The following PPWD1 variants were observed in gnomAD, a reference collection of about 807,000 sequenced individuals.
PPWD1 encodes peptidylprolyl isomerase domain and WD repeat containing 1, also known as peptidylprolyl isomerase domain and WD repeat-containing protein 1.
PPWD1 carries 43 observed loss-of-function variants against 68.8 expected under a neutral mutation model. The observed-to-expected ratio is 0.62, with a 90% CI of 0.49 to 0.81. The LOEUF (loss-of-function observed/expected upper bound fraction) is 0.81. Among genes scored for constraint, PPWD1 ranks in the 30% least tolerant of loss-of-function variants. The probability of loss-of-function intolerance (pLI) is 0.00; values close to 1 mark genes in which losing one functional copy is unlikely to be tolerated. For synonymous variants in PPWD1, 232 were observed against 258.7 expected (o/e 0.90, Z 0.99); for missense variants, 672 against 804.8 (o/e 0.83, Z 2.00).
chr5:65,577,975 ATAT>A (rs1307064461), intron 6 of PPWD1, among the ~76,000 whole-genome samples: 7 of 152,342 alleles, frequency 4.6e-5, no homozygotes, highest in African/African-American at 1.7e-4. Context: ...ATCCACCATC[ATAT>A]TATCATATAG....
chr5:65,563,583 A>G, intron 1 of PPWD1, 77 bp downstream of exon 1: 2 of 1,494,010 alleles, frequency 1.3e-6, no homozygotes, highest in Non-Finnish European at 1.8e-6. Context: ...AGATCCGAAG[A>G]GGGATGATGT....
At chr5:65,579,753 A>C in intron 7 of PPWD1, 140 bp downstream of exon 7, 1 of 526,070 alleles carries the variant, frequency 1.9e-6, no homozygotes, top group Non-Finnish European at 3.1e-6. Flanking sequence ...TCTTACATTA[A>C]TATTGTAGAA....
At chr5:65,581,084 A>G (rs1381380610) in intron 7 of PPWD1, among the ~76,000 whole-genome samples, 1 of 152,182 alleles carries the variant, frequency 6.6e-6, no homozygotes, top group Non-Finnish European at 1.5e-5. Context: ...ATGTAATGCT[A>G]TTAAGGTTAA....
intron 7 of PPWD1, among the ~76,000 whole-genome samples, chr5:65,581,567 C>A (rs1249420257): frequency 3.3e-5 from 5 of 152,158 alleles, no homozygotes; most frequent in Non-Finnish European, 7.4e-5. Context: ...GCCTAGGTGA[C>A]AGAGCAAGAC....
chr5:65,571,357 G>A (rs1752997998), intron 4 of PPWD1, among the ~76,000 whole-genome samples: 1 of 152,144 alleles, frequency 6.6e-6, no homozygotes, highest in Admixed American at 6.5e-5. Context: ...GATTTAGTTA[G>A]TAATGAGAGT....
chr5:65,563,890 T>G (rs1040769615), intron 1 of PPWD1: 32 of 1,424,248 alleles, frequency 2.2e-5, no homozygotes, highest in Admixed American at 1.2e-4. Flanking sequence ...AGGAGTGGTG[T>G]TAATGTATTA....
In PPWD1 at chr5:65,572,238, C is replaced by G; in HGVS notation, c.921C>G (p.Phe307Leu). The G allele has an allele frequency of 6.2e-7, 1 of 1,612,122 alleles. No individual in the cohort carries two copies. The change falls in exon 5 of 11, where the codon TTC becomes TTG. Residue 307 changes from phenylalanine (F) to leucine (L), a missense_variant. Phe to Leu is a conservative substitution (Grantham distance 22). This residue lies in a region of PPWD1 where 484 missense variants were observed against 646.2 expected (regional missense o/e 0.75). Coordinates refer to ENST00000261308, the MANE Select transcript of PPWD1 (RefSeq NM_015342.4). ...TIGSDRKVRIFRFVTGKLMRV... is the reference protein window; with the variant it reads ...TIGSDRKVRILRFVTGKLMRV... Reference sequence around the variant, plus strand: ...GTTCTGATAGAAAAGTTAGAATTTTCAGATTTGTAACTGGAAAACTCATGA... The same window carrying G: ...GTTCTGATAGAAAAGTTAGAATTTTGAGATTTGTAACTGGAAAACTCATGA...
chr5:65,566,005 G>T (rs1195504658), intron 1 of PPWD1, among the ~76,000 whole-genome samples: 1 of 152,086 alleles, frequency 6.6e-6, no homozygotes, highest in African/African-American at 2.4e-5. Context: ...TATATTTTCA[G>T]AAAGACATGA....
At chr5:65,566,820 C>G (rs9686777) in intron 1 of PPWD1, among the ~76,000 whole-genome samples, 4 of 94,778 alleles carry the variant, frequency 4.2e-5, no homozygotes, top group African/African-American at 1.4e-4. Context: ...CCCTTTCTTT[C>G]TTTTTTTTTT....
intron 4 of PPWD1, chr5:65,570,335 A>G (rs1752958795): frequency 1.1e-6 from 1 of 881,904 alleles, no homozygotes; most frequent in African/African-American, 1.8e-5. Flanking sequence ...TCAGTAATAT[A>G]GAATTGAGTT....
intron 1 of PPWD1, 173 bp from the exon 2 acceptor site, chr5:65,567,340 T>C: frequency 2.9e-6 from 2 of 689,218 alleles, no homozygotes; most frequent in Non-Finnish European, 3.6e-6. Flanking sequence ...TCTGAAATAA[T>C]AGACGTTAAA....
chr5:65,571,001 A>C (rs1313786212), intron 4 of PPWD1, among the ~76,000 whole-genome samples: 3 of 152,146 alleles, frequency 2.0e-5, no homozygotes, highest in Non-Finnish European at 4.4e-5. Context: ...AATAAATCTC[A>C]TTATTTATGG....
intron 10 of PPWD1, among the ~76,000 whole-genome samples, chr5:65,586,616 G>A (rs544861184): frequency 6.6e-6 from 1 of 152,194 alleles, no homozygotes; most frequent in South Asian, 2.1e-4. Flanking sequence ...AGGTAACCTA[G>A]CTCTATTGCT....
intron 10 of PPWD1, among the ~76,000 whole-genome samples, chr5:65,586,762 C>T (rs764280312): frequency 5.3e-5 from 8 of 152,136 alleles, no homozygotes; most frequent in Non-Finnish European, 1.0e-4. Flanking sequence ...CTTCTACTAT[C>T]AGTATCCCCA....
chr5:65,576,373 ATTTT>A (rs1188571148), intron 5 of PPWD1: 277 of 847,350 alleles, frequency 3.3e-4, no homozygotes, highest in Middle Eastern at 5.9e-4. Flanking sequence ...TTGAAATACA[ATTTT>A]TTTTTTTTTT....
intron 2 of PPWD1, chr5:65,568,862 T>C (rs1752885029): frequency 2.2e-6 from 1 of 454,550 alleles, no homozygotes; most frequent in Non-Finnish European, 4.4e-6. Flanking sequence ...TATATACATA[T>C]TAGCATTGCT....
At position 65,587,506 on chromosome 5, in the gene PPWD1, C is replaced by G; in HGVS notation, c.*110C>G. The G allele has an allele frequency of 1.1e-6, 1 of 873,434 alleles. No homozygotes were observed. The highest frequency in any genetic ancestry group is 1.6e-6 in the Non-Finnish European group (1 of 632,834). The allele number at this position is 873,434 out of a possible 1,614,324, so 54.1% of individuals were successfully genotyped here. A position where few individuals can be genotyped will look rare whatever the true frequency, so the allele number is the denominator to read the frequency against. On this transcript the variant is annotated 3_prime_UTR_variant, in exon 11 of 11. Coordinates refer to ENST00000261308, the MANE Select transcript of PPWD1 (RefSeq NM_015342.4). ...ATATACAGATCATGTTTCAAAGATA[C>G]AGTATTTTTGTATTTTTTATTAAAG... is the stretch of plus-strand genomic sequence containing the variant.
chr5:65,567,721 T>G, intron 2 of PPWD1, 106 bp downstream of exon 2: 1 of 1,375,238 alleles, frequency 7.3e-7, no homozygotes, highest in Non-Finnish European at 9.5e-7. Flanking sequence ...TTTTGTAGAT[T>G]TTTAATTTCT....
chr5:65,582,780 A>G (rs181470869), intron 7 of PPWD1: 145 of 286,574 alleles, frequency 5.1e-4, no homozygotes, highest in Non-Finnish European at 7.4e-4. Flanking sequence ...TTTGCCCAAG[A>G]AAATTTCTAA....
Sources: gnomAD v4.1 joint callset for allele counts (sites outside exome capture counted in the v4.1 genomes callset) on GRCh38, gnomAD v4.1.1 for gene constraint, gnomAD v4.1.1 regional missense constraint, MANE v1.5 for transcripts, NCBI Gene and HGNC (gene_info 2026-07-23, HGNC 2026-07-21) for gene names.